The following OSBP2 variants were observed in gnomAD, a reference collection of about 807,000 sequenced individuals.
OSBP2 encodes oxysterol binding protein 2.
A neutral mutation model predicts 96.0 loss-of-function variants in OSBP2; 66 were observed. That is an observed-to-expected ratio of 0.69 (90% confidence interval 0.56 to 0.84). The LOEUF (loss-of-function observed/expected upper bound fraction) is 0.84. Among genes scored for constraint, OSBP2 ranks in the 40% least tolerant of loss-of-function variants. OSBP2 has a pLI of 0.00. For synonymous variants in OSBP2, 525 were observed against 520.9 expected, an observed-to-expected ratio of 1.01 and a Z score of -0.11; for missense variants, 1,038 against 1,222.7, an observed-to-expected ratio of 0.85 and a Z score of 2.25.
At chr22:30,862,842 G>A (rs1245569639) in intron 2 of OSBP2, among the ~76,000 whole-genome samples, 7 of 141,476 alleles carry the variant, frequency 4.9e-5, no homozygotes, top group East Asian at 2.2e-4. Flanking sequence ...GTGTGGTGGC[G>A]GGCGCCTGTA....
chr22:30,858,459 T>A (rs1361433175), intron 2 of OSBP2, among the ~76,000 whole-genome samples: 2 of 151,954 alleles, frequency 1.3e-5, no homozygotes, highest in Non-Finnish European at 2.9e-5. Flanking sequence ...CTTTGTTTTT[T>A]ATTCCTTTAT....
chr22:30,821,242 G>A (rs563845791), intron 2 of OSBP2, among the ~76,000 whole-genome samples: 2 of 152,290 alleles, frequency 1.3e-5, no homozygotes, highest in East Asian at 3.9e-4. Context: ...GAGAGTGTCA[G>A]CGTCTGACAT....
chr22:30,830,841 A>G (rs1404487589), intron 2 of OSBP2, among the ~76,000 whole-genome samples: 2 of 151,720 alleles, frequency 1.3e-5, no homozygotes, highest in Non-Finnish European at 2.9e-5. Flanking sequence ...TTTTTGGTCA[A>G]TGTTTTTCCT....
intron 2 of OSBP2, among the ~76,000 whole-genome samples, chr22:30,746,474 A>T: frequency 6.9e-6 from 1 of 144,460 alleles, no homozygotes; most frequent in South Asian, 2.2e-4. Flanking sequence ...AAAATTGAAG[A>T]GGATGAAACA....
chr22:30,774,141 C>T (rs1201168298), intron 2 of OSBP2, among the ~76,000 whole-genome samples: 1 of 152,158 alleles, frequency 6.6e-6, no homozygotes, highest in Non-Finnish European at 1.5e-5. Flanking sequence ...CTTGGACTCC[C>T]CAGGGGGGCT....
intron 2 of OSBP2, among the ~76,000 whole-genome samples, chr22:30,852,631 TTTG>T (rs1235603585): frequency 6.6e-6 from 1 of 152,126 alleles, no homozygotes; most frequent in Non-Finnish European, 1.5e-5. Context: ...CTGTTTTTAT[TTTG>T]TTTATTTCTG....
At position 30,732,568 on chromosome 22, in the gene OSBP2, T is replaced by C. The variant is rs113951434; in HGVS notation, c.645-8593T>C. Reference sequence around the variant, plus strand: ...TGGCAGTGTCCAGATCAGTGGAATCTTTGTTTCACATTCCTCCCTTACCCC... The same window carrying C: ...TGGCAGTGTCCAGATCAGTGGAATCCTTGTTTCACATTCCTCCCTTACCCC... On this transcript the variant is annotated intron_variant, in intron 1 of 13. Transcript: ENST00000332585. Among the ~76,000 whole-genome samples, 994 of 152,278 alleles carry C rather than the reference T, an allele frequency of 6.5e-3. 10 individuals are homozygous for C. Among genetic ancestry groups the C allele is most frequent in the African/African-American group, 0.023 (941 of 41,552 alleles).
chr22:30,723,513 G>A (rs136376), intron 1 of OSBP2, among the ~76,000 whole-genome samples: 133,604 of 151,942 alleles, frequency 0.88, 59,009 homozygotes, highest in East Asian at 1. Flanking sequence ...TCCCAAGTTC[G>A]AGCGATTCTC....
At chr22:30,697,718 A>G (rs1014127723) in intron 1 of OSBP2, among the ~76,000 whole-genome samples, 1 of 152,190 alleles carries the variant, frequency 6.6e-6, no homozygotes, top group Admixed American at 6.6e-5. Context: ...GTGCGTGTAC[A>G]GTCCAGCTCT....
intron 2 of OSBP2, among the ~76,000 whole-genome samples, chr22:30,769,334 G>A (rs910909197): frequency 1.1e-4 from 17 of 152,148 alleles, no homozygotes; most frequent in African/African-American, 4.1e-4. Flanking sequence ...GGTTGTGAGG[G>A]TAAATAACAA....
At position 30,695,464 on chromosome 22, in the gene OSBP2, C is replaced by T. The variant is rs757904808; in HGVS notation, c.555C>T (p.Phe185=). 1.2e-6 allele frequency: 2 copies of T among 1,613,524 alleles called. No individual in the cohort carries two copies. Among genetic ancestry groups the T allele is most frequent in the Admixed American group, 1.7e-5 (1 of 60,032 alleles). ...TGGCCTTACTGCCTCTGGACAGCTT[C>T]GAGGGCTGGCTTCTCAAGTGGACCA... is the stretch of plus-strand genomic sequence containing the variant. ...APLALLPLDS[F]EGWLLKWTNY... The change falls in exon 1 of 14, where the codon TTC becomes TTT. Residue 185 remains phenylalanine (F), a synonymous_variant. Coordinates refer to ENST00000332585, the MANE Select transcript of OSBP2 (RefSeq NM_030758.4).
At position 30,906,044 on chromosome 22, in the gene OSBP2, G is replaced by T. The variant is rs761858869; in HGVS notation, c.2583G>T (p.Pro861=). The change falls in exon 13 of 14, where the codon CCG becomes CCT. Residue 861 remains proline (P), a synonymous_variant. Coordinates refer to ENST00000332585, the MANE Select transcript of OSBP2 (RefSeq NM_030758.4). ...GCCGGCGGCTGGAGGCCTGCGGGCC[G>T]GGCAGCAGCTGCAGCTCGGAGGAAG... The part of the protein sequence containing the change: ...SRRRRLEACG[P]GSSCSSEEEK... The T allele has an allele frequency of 2.6e-6, 4 of 1,564,912 alleles. No homozygotes were observed. Among genetic ancestry groups the T allele is most frequent in the Non-Finnish European group, 3.5e-6 (4 of 1,157,156 alleles).
At chr22:30,817,830 G>A (rs1376972103) in intron 2 of OSBP2, among the ~76,000 whole-genome samples, 1 of 152,272 alleles carries the variant, frequency 6.6e-6, no homozygotes, top group African/African-American at 2.4e-5. Flanking sequence ...TACAGTGGGT[G>A]TGCTAGGCCC....
At chr22:30,794,040 A>G (rs2090719108) in intron 2 of OSBP2, among the ~76,000 whole-genome samples, 1 of 152,056 alleles carries the variant, frequency 6.6e-6, no homozygotes, top group Non-Finnish European at 1.5e-5. Context: ...CTTCTATCTC[A>G]TTTTTAAAAT....
chr22:30,888,196 A>G (rs367682571), intron 4 of OSBP2, 27 bp from the exon 5 acceptor site: 2 of 1,466,446 alleles, frequency 1.4e-6, no homozygotes, highest in East Asian at 2.3e-5. Context: ...GTGAGGTTAC[A>G]AATTAAAGCT....
At chr22:30,781,733 G>A (rs2090521962) in intron 2 of OSBP2, among the ~76,000 whole-genome samples, 1 of 152,186 alleles carries the variant, frequency 6.6e-6, no homozygotes, top group Non-Finnish European at 1.5e-5. Flanking sequence ...CTGACCACAG[G>A]AAGGTTCTGG....
chr22:30,739,553 C>T (rs1182710180), intron 1 of OSBP2, among the ~76,000 whole-genome samples: 1 of 152,034 alleles, frequency 6.6e-6, no homozygotes, highest in African/African-American at 2.4e-5. Context: ...TGGCTCACTG[C>T]AACCTCCGCC....
chr22:30,839,802 C>G (rs1376389551), intron 2 of OSBP2, among the ~76,000 whole-genome samples: 2 of 151,958 alleles, frequency 1.3e-5, no homozygotes, highest in Admixed American at 6.6e-5. Flanking sequence ...TGCCTGTACA[C>G]TCTGATGGTA....
chr22:30,783,086 T>C (rs1169552693), intron 2 of OSBP2, among the ~76,000 whole-genome samples: 5 of 119,890 alleles, frequency 4.2e-5, no homozygotes, highest in Middle Eastern at 4.6e-3. Flanking sequence ...TTTTTTTTTT[T>C]CTGGAGAAAA....
Sources: gnomAD v4.1 joint callset for allele counts (sites outside exome capture counted in the v4.1 genomes callset) on GRCh38, gnomAD v4.1.1 for gene constraint, MANE v1.5 for transcripts, NCBI Gene and HGNC (gene_info 2026-07-23, HGNC 2026-07-21) for gene names.